The following SHROOM2 variants were observed in gnomAD, a reference collection of about 807,000 sequenced individuals.
The protein encoded by SHROOM2 is protein Shroom2.
SHROOM2 carries 33 observed loss-of-function variants against 75.9 expected under a neutral mutation model. The observed-to-expected ratio is 0.43, with a 90% CI of 0.33 to 0.58. The LOEUF (loss-of-function observed/expected upper bound fraction) is 0.58, where lower values mean the gene tolerates loss of function less well. SHROOM2 is among the 20% of genes least tolerant of loss of function. The probability of loss-of-function intolerance (pLI) is 0.04; values close to 1 mark genes in which losing one functional copy is unlikely to be tolerated. For missense variants in SHROOM2, 1,434 were observed against 1,461.2 expected, an observed-to-expected ratio of 0.98 and a Z score of 0.30; for synonymous variants, 655 against 663.6, an observed-to-expected ratio of 0.99 and a Z score of 0.20.
intron 1 of SHROOM2, among the ~76,000 whole-genome samples, chrX:9,845,383 A>C (rs2084000707): frequency 8.9e-6 from 1 of 111,733 alleles, no homozygotes; most frequent in Non-Finnish European, 1.9e-5. Context: ...AAACCTGAAC[A>C]AGAAGCCAGC....
At chrX:9,871,876 A>G (rs1178277074) in intron 1 of SHROOM2, among the ~76,000 whole-genome samples, 2 of 111,851 alleles carry the variant, frequency 1.8e-5, no homozygotes, top group Non-Finnish European at 3.8e-5. Flanking sequence ...TCACTCTTGG[A>G]AGTTGTTCTT....
chrX:9,888,355 C>T (rs1231708930), intron 2 of SHROOM2, among the ~76,000 whole-genome samples: 1 of 112,317 alleles, frequency 8.9e-6, no homozygotes, highest in Non-Finnish European at 1.9e-5. Flanking sequence ...TGCCTGGTGT[C>T]GCTTTCCATA....
chrX:9,933,238 C>T (rs1326375313), intron 6 of SHROOM2, among the ~76,000 whole-genome samples: 1 of 110,676 alleles, frequency 9.0e-6, no homozygotes, highest in African/African-American at 3.3e-5. Context: ...TGATTGGAAT[C>T]GAGTTTAACC....
rs1246917528 is a variant in SHROOM2 at position 9,932,616 on chromosome X, C to T, written c.3333C>T (p.Leu1111=). The part of the protein sequence containing the change: ...SLDVYVARLS[L]SHSPSVFSSA... ...ATGTGTATGTGGCCCGCCTGTCCCTCTCCCACAGCCCCTCTGTGTTCAGCA... is the reference window on the plus strand; with the variant it reads ...ATGTGTATGTGGCCCGCCTGTCCCTTTCCCACAGCCCCTCTGTGTTCAGCA... Residue 1111 remains leucine (L), a synonymous_variant, in exon 6 of 10, where the codon CTC becomes CTT. Transcript: ENST00000380913. The T allele has an allele frequency of 2.5e-6, 3 of 1,211,528 alleles. No homozygotes were observed. Among genetic ancestry groups the T allele is most frequent in the Non-Finnish European group, 3.4e-6 (3 of 895,186 alleles).
intron 1 of SHROOM2, among the ~76,000 whole-genome samples, chrX:9,866,944 T>G (rs2084142777): frequency 1.8e-5 from 2 of 110,094 alleles, no homozygotes; most frequent in Admixed American, 1.9e-4. Flanking sequence ...AGTTGCCGTT[T>G]CTATTTGGAG....
At chrX:9,822,985 A>ATCTTCTTCTTC (rs1555924259) in intron 1 of SHROOM2, among the ~76,000 whole-genome samples, 8 of 88,258 alleles carry the variant, frequency 9.1e-5, no homozygotes, top group Admixed American at 5.7e-4. Flanking sequence ...AAGAATAATA[A>ATCTTCTTCTTC]TTCTTCTTCT....
At chrX:9,884,403 G>T (rs1367845280) in intron 2 of SHROOM2, among the ~76,000 whole-genome samples, 13 of 101,580 alleles carry the variant, frequency 1.3e-4, no homozygotes, top group Non-Finnish European at 4.0e-5. Flanking sequence ...TTGAGGGAAG[G>T]GAAGGAATTC....
intron 1 of SHROOM2, among the ~76,000 whole-genome samples, chrX:9,832,567 A>G (rs1236879379): frequency 8.9e-6 from 1 of 111,992 alleles, no homozygotes; most frequent in Non-Finnish European, 1.9e-5. Context: ...CAGTAGGCAC[A>G]TGGGATAGGG....
chrX:9,930,781 C>T (rs1313104894), intron 5 of SHROOM2, among the ~76,000 whole-genome samples: 1 of 110,752 alleles, frequency 9.0e-6, no homozygotes, highest in African/African-American at 3.3e-5. Context: ...CTTGCTTTGT[C>T]ACCCAGGCTG....
At position 9,788,942 on chromosome X, in the gene SHROOM2, T is replaced by C. The variant is rs1440439288; in HGVS notation, c.165+2232T>C. ...TTAGCCTGGTTTTGAATCTCTTTTG[T>C]TAGATTAACCATATATCACCTTTGC... On this transcript the variant is annotated intron_variant, in intron 1 of 9. Coordinates refer to ENST00000380913, the MANE Select transcript of SHROOM2 (RefSeq NM_001649.4). 4.5e-5 allele frequency among the ~76,000 whole-genome samples: 5 copies of C among 111,095 alleles called. No individual in the cohort carries two copies. In the Admixed American group the frequency reaches 4.8e-4, roughly 11 times the overall value.
chrX:9,932,521 G>A lies in SHROOM2; in HGVS notation c.3238G>A (p.Gly1080Ser). 2 of 1,210,608 alleles carry A rather than the reference G, an allele frequency of 1.7e-6. No individual in the cohort carries two copies. The highest frequency in any genetic ancestry group is 2.2e-6 in the Non-Finnish European group (2 of 895,009). Residue 1080 changes from glycine to serine, a missense_variant, in exon 6 of 10, where the codon GGC becomes AGC. Gly to Ser is a moderately conservative substitution (Grantham distance 56). Transcript: ENST00000380913. ...REPRRYRATD[G>S]APADAPVGVL... is the part of the protein sequence containing the mutation. ...GCCCAGGAGATACAGGGCCACAGAC[G>A]GCGCACCTGCTGACGCCCCCGTGGG... is the stretch of plus-strand genomic sequence containing the variant.
At chrX:9,938,328 G>T (rs990185781) in intron 7 of SHROOM2, among the ~76,000 whole-genome samples, 3 of 112,101 alleles carry the variant, frequency 2.7e-5, no homozygotes, top group African/African-American at 9.7e-5. Context: ...GAGGTAGGCA[G>T]ATCATTTAAG....
At chrX:9,946,366 G>A (rs749143011) in intron 9 of SHROOM2, among the ~76,000 whole-genome samples, 1 of 113,026 alleles carries the variant, frequency 8.8e-6, no homozygotes, top group Non-Finnish European at 1.9e-5. Flanking sequence ...GAGTCCCTTG[G>A]TGACTCTTCT....
At chrX:9,918,446 T>A (rs1201269641) in intron 5 of SHROOM2, among the ~76,000 whole-genome samples, 6 of 111,775 alleles carry the variant, frequency 5.4e-5, no homozygotes, top group Non-Finnish European at 9.4e-5. Flanking sequence ...TGTCCTCACA[T>A]GAGGGAGAGC....
At chrX:9,791,998 A>G (rs190156267) in intron 1 of SHROOM2, among the ~76,000 whole-genome samples, 33 of 272 alleles carry the variant, frequency 0.12, no homozygotes, top group Middle Eastern at 0.5. Flanking sequence ...ATAGAATAGA[A>G]TAGAATAGAA....
intron 3 of SHROOM2, 46 bp from the exon 4 acceptor site, chrX:9,894,312 T>C (rs2084310648): frequency 9.6e-6 from 11 of 1,150,474 alleles, no homozygotes; most frequent in Non-Finnish European, 1.3e-5. Context: ...TTGCCATTGC[T>C]GTTGCTAAAG....
chrX:9,856,317 C>T (rs1357609181), intron 1 of SHROOM2, among the ~76,000 whole-genome samples: 1 of 111,285 alleles, frequency 9.0e-6, no homozygotes, highest in Non-Finnish European at 1.9e-5. Flanking sequence ...CGTGTAGCCC[C>T]ATTTTTCGGG....
intron 8 of SHROOM2, among the ~76,000 whole-genome samples, chrX:9,943,774 G>T (rs1014916638): frequency 8.9e-6 from 1 of 112,297 alleles, no homozygotes; most frequent in Admixed American, 9.4e-5. Context: ...AAATCAGTAG[G>T]TTATAGTAAA....
intron 1 of SHROOM2, among the ~76,000 whole-genome samples, chrX:9,834,297 A>T (rs1312709615): frequency 8.9e-6 from 1 of 111,861 alleles, no homozygotes; most frequent in Non-Finnish European, 1.9e-5. Context: ...TGTCAGGAGG[A>T]GGTGGTGTCC....
Sources: allele counts gnomAD v4.1 joint callset (sites outside exome capture counted in the v4.1 genomes callset), GRCh38; gene constraint gnomAD v4.1.1; transcripts MANE v1.5; gene names NCBI Gene and HGNC (gene_info 2026-07-23, HGNC 2026-07-21).